Variants in MED15 observed in about 807,000 individuals in gnomAD.
The protein encoded by MED15 is mediator of RNA polymerase II transcription subunit 15.
A neutral mutation model predicts 118.7 loss-of-function variants in MED15; 41 were observed. The observed-to-expected ratio is 0.35, with a 90% confidence interval of 0.27 to 0.45. The LOEUF is 0.45. Ranked by LOEUF, MED15 falls within the 20% of genes least tolerant of loss-of-function variation. The pLI is 1.00. For missense variants in MED15, 740 were observed against 1,025.5 expected, an observed-to-expected ratio of 0.72 and a Z score of 3.80; for synonymous variants, 436 against 413.9, an observed-to-expected ratio of 1.05 and a Z score of -0.65.
intron 2 of MED15, among the ~76,000 whole-genome samples, chr22:20,543,603 G>C (rs2055407838): frequency 6.6e-6 from 1 of 151,008 alleles, no homozygotes; most frequent in African/African-American, 2.4e-5. Context: ...TGTCGCCCAG[G>C]CTGGAGTGCA....
chr22:20,517,681 G>A (rs2054301450), intron 1 of MED15, among the ~76,000 whole-genome samples: 1 of 152,122 alleles, frequency 6.6e-6, no homozygotes, highest in African/African-American at 2.4e-5. Context: ...TGTAGCAGGG[G>A]GATTCCTAGA....
chr22:20,523,830 T>A (rs1190779775), intron 1 of MED15: 1 of 985,306 alleles, frequency 1.0e-6, no homozygotes, highest in Non-Finnish European at 1.2e-6. Flanking sequence ...AGTACACAGT[T>A]TGAAGGGCAG....
chr22:20,584,333 T>G, intron 13 of MED15, 26 bp from the exon 14 acceptor site: 1 of 1,612,180 alleles, frequency 6.2e-7, no homozygotes, highest in Non-Finnish European at 8.5e-7. Context: ...TTCCACTCTT[T>G]CAGCCCAAGT....
intron 1 of MED15, among the ~76,000 whole-genome samples, chr22:20,511,803 G>T (rs937137547): frequency 2.0e-5 from 3 of 152,000 alleles, no homozygotes; most frequent in Admixed American, 1.3e-4. Context: ...GCACAAGTGA[G>T]GGTGAGGCCT....
chr22:20,584,274 G>A (rs2057070597), intron 13 of MED15, 85 bp from the exon 14 acceptor site: 3 of 1,380,570 alleles, frequency 2.2e-6, no homozygotes, highest in Non-Finnish European at 3.1e-6. Context: ...TCTGATGGCT[G>A]AGGCCCAGTG....
intron 1 of MED15, among the ~76,000 whole-genome samples, chr22:20,517,537 C>T (rs1569169319): frequency 6.6e-6 from 1 of 152,204 alleles, no homozygotes; most frequent in East Asian, 1.9e-4. Flanking sequence ...ACTGCCCCCA[C>T]CCCGCTGCTC....
chr22:20,531,560 A>G (rs2054863740), intron 1 of MED15, among the ~76,000 whole-genome samples: 1 of 152,162 alleles, frequency 6.6e-6, no homozygotes, highest in African/African-American at 2.4e-5. Context: ...GCCTTCTCCC[A>G]GGCACCCTGG....
rs553418900 is a variant in MED15 at position 20,585,826 on chromosome 22, G to A, written c.2230G>A (p.Asp744Asn). 9.3e-6 allele frequency: 15 copies of A among 1,612,510 alleles called. No homozygotes were observed. The highest frequency in any genetic ancestry group is 6.7e-5 in the East Asian group (3 of 44,874). Residue 744 changes from aspartate to asparagine, a missense_variant and splice_region_variant, in exon 17 of 18, where the codon GAC becomes AAC. Around this residue, in one of 7 missense-constraint regions of MED15, gnomAD observed 179 missense variants for 259.0 expected, o/e 0.69. Transcript: ENST00000263205. ...GTGGATAGACCGGCAGTGGCAGTAC[G>A]GTAGGTAGACCCAGAGGAGCTGTCT... ...PLWIDRQWQY[D>N]ANPFLQSVHR...
intron 5 of MED15, among the ~76,000 whole-genome samples, chr22:20,558,522 G>A (rs1264160549): frequency 1.3e-5 from 2 of 152,116 alleles, no homozygotes; most frequent in Non-Finnish European, 2.9e-5. Flanking sequence ...TTTATATGAC[G>A]TGCATGTAAA....
At position 20,534,706 on chromosome 22, in the gene MED15, G is replaced by A. The variant is rs2054993068; in HGVS notation, c.69-2411G>A. Among the ~76,000 whole-genome samples the A allele has an allele frequency of 2.6e-5, 4 of 152,104 alleles. No individual in the cohort carries two copies. The South Asian group carries it at 8.3e-4, about 31-fold the overall frequency. On this transcript the variant is annotated intron_variant, in intron 1 of 17. Transcript: ENST00000263205. Reference sequence around the variant, plus strand: ...GCTATCGTCTCAGCCTCTGGGTGTGGAGACCCTGCCCCATGCTAACCTGAG... The same window carrying A: ...GCTATCGTCTCAGCCTCTGGGTGTGAAGACCCTGCCCCATGCTAACCTGAG...
At chr22:20,537,020 C>A in intron 1 of MED15, 97 bp from the exon 2 acceptor site, 1 of 1,128,066 alleles carries the variant, frequency 8.9e-7, no homozygotes, top group Non-Finnish European at 1.3e-6. Flanking sequence ...AGCACCTTGT[C>A]ACCAGGGGCA....
At chr22:20,527,956 CAAAAA>C (rs763536363) in intron 1 of MED15, among the ~76,000 whole-genome samples, 1 of 94,590 alleles carries the variant, frequency 1.1e-5, no homozygotes. Flanking sequence ...GACTCCGTCT[CAAAAA>C]AAAAAAAAAA....
Position 20,582,604 on chromosome 22 carries a change from C to G in MED15, c.1273-7C>G. 6.5e-7 allele frequency: 1 copy of G among 1,545,866 alleles called. No homozygotes were observed. On this transcript the variant is annotated splice_polypyrimidine_tract_variant and splice_region_variant and intron_variant, in intron 9 of 17. Coordinates refer to ENST00000263205, the MANE Select transcript of MED15 (RefSeq NM_001003891.3). ...GCAGCGCGCCGGCTGAGCCCCTCCA[C>G]TTCCAGGTCAGCCAGAGCAGCCTCC...
chr22:20,522,205 C>G (rs1161649983), intron 1 of MED15: 1 of 152,178 alleles, frequency 6.6e-6, no homozygotes, highest in East Asian at 1.9e-4. Context: ...CTGGGCTGTG[C>G]ACCTAGAAGT....
chr22:20,571,344 G>A (rs1215636490), intron 8 of MED15, among the ~76,000 whole-genome samples: 1 of 152,228 alleles, frequency 6.6e-6, no homozygotes, highest in Non-Finnish European at 1.5e-5. Context: ...GCACAGGAAG[G>A]AGGATGGAGA....
At chr22:20,578,606 G>A (rs533358485) in intron 9 of MED15, among the ~76,000 whole-genome samples, 1 of 152,290 alleles carries the variant, frequency 6.6e-6, no homozygotes, top group East Asian at 1.9e-4. Context: ...CCGAGAAAAA[G>A]AGAGCTTATC....
At position 20,555,047 on chromosome 22, in the gene MED15, G is replaced by C; in HGVS notation, c.350G>C (p.Gly117Ala). 6.2e-7 allele frequency: 1 copy of C among 1,612,788 alleles called. No individual in the cohort carries two copies. Reference sequence around the variant, plus strand: ...TCTCTGGGCGGGATGGGTAGCCTTGGTGCCATGGGACAGCCAATGTCTCTC... The same window carrying C: ...TCTCTGGGCGGGATGGGTAGCCTTGCTGCCATGGGACAGCCAATGTCTCTC... ...GQSLGGMGSL[G>A]AMGQPMSLSG... The change falls in exon 5 of 18, where the codon GGT becomes GCT. Residue 117 changes from glycine (G) to alanine (A), a missense_variant. By Grantham distance (60) the Gly-to-Ala change is moderately conservative (BLOSUM62 0). Transcript: ENST00000263205.
At chr22:20,579,660 C>T (rs1312599857) in intron 9 of MED15, among the ~76,000 whole-genome samples, 1 of 152,184 alleles carries the variant, frequency 6.6e-6, no homozygotes, top group South Asian at 2.1e-4. Flanking sequence ...CACCTGCCTT[C>T]AGCTCCAGGC....
intron 2 of MED15, among the ~76,000 whole-genome samples, chr22:20,548,193 C>T (rs1366335186): frequency 6.6e-6 from 1 of 152,014 alleles, no homozygotes; most frequent in Non-Finnish European, 1.5e-5. Flanking sequence ...AGAGTTTTCA[C>T]TCTTGTTGCC....
Sources: gnomAD v4.1 joint callset for allele counts (sites outside exome capture counted in the v4.1 genomes callset) on GRCh38, gnomAD v4.1.1 for gene constraint, gnomAD v4.1.1 regional missense constraint, MANE v1.5 for transcripts, NCBI Gene and HGNC (gene_info 2026-07-23, HGNC 2026-07-21) for gene names.